Variants in PPFIA2 observed in about 807,000 individuals in gnomAD.
PPFIA2 encodes liprin-alpha-2.
PPFIA2 carries 46 observed loss-of-function variants against 175.5 expected under a neutral mutation model. The observed-to-expected ratio is 0.26, with a 90% CI of 0.21 to 0.34. The LOEUF is 0.34. Among genes scored for constraint, PPFIA2 ranks in the 10% least tolerant of loss-of-function variants. PPFIA2 has a pLI of 1.00. For synonymous variants in PPFIA2, 568 were observed against 511.4 expected (o/e 1.11, Z -1.49); for missense variants, 1,179 against 1,506.1 (o/e 0.78, Z 3.60).
chr12:81,452,920 AG>A (rs2052878303), intron 5 of PPFIA2, among the ~76,000 whole-genome samples: 2 of 152,284 alleles, frequency 1.3e-5, no homozygotes, highest in African/African-American at 4.8e-5. Flanking sequence ...ATTTATAACT[AG>A]GTATTAATAC....
chr12:81,475,558 C>A (rs1162146315), intron 4 of PPFIA2, among the ~76,000 whole-genome samples: 1 of 152,140 alleles, frequency 6.6e-6, no homozygotes, highest in Non-Finnish European at 1.5e-5. Context: ...TATTGACTTG[C>A]AAGCTCATAT....
chr12:81,349,420 G>C (rs1236603703), intron 17 of PPFIA2, among the ~76,000 whole-genome samples: 2 of 152,056 alleles, frequency 1.3e-5, no homozygotes, highest in Non-Finnish European at 2.9e-5. Flanking sequence ...CATGAATTCT[G>C]TTACTCTCAA....
intron 4 of PPFIA2, among the ~76,000 whole-genome samples, chr12:81,516,645 C>T (rs1348435676): frequency 6.6e-6 from 1 of 152,088 alleles, no homozygotes; most frequent in African/African-American, 2.4e-5. Flanking sequence ...GAATCTGAGG[C>T]AATCAAAAGT....
chr12:81,627,426 C>T (rs1008927774), intron 4 of PPFIA2, among the ~76,000 whole-genome samples: 1 of 151,890 alleles, frequency 6.6e-6, no homozygotes, highest in Admixed American at 6.6e-5. Context: ...CTATTATGTA[C>T]CCATTAAATT....
chr12:81,335,155 T>C (rs537906269), intron 21 of PPFIA2, among the ~76,000 whole-genome samples: 1 of 152,252 alleles, frequency 6.6e-6, no homozygotes, highest in Admixed American at 6.5e-5. Context: ...AGGGTAAAGA[T>C]AAGTCAATAT....
chr12:81,633,935 A>G (rs532661731), intron 4 of PPFIA2, among the ~76,000 whole-genome samples: 7 of 152,038 alleles, frequency 4.6e-5, no homozygotes, highest in African/African-American at 1.7e-4. Flanking sequence ...GGTACTTAAA[A>G]CTCTGTCAGA....
intron 4 of PPFIA2, among the ~76,000 whole-genome samples, chr12:81,510,059 G>C (rs759114045): frequency 3.9e-5 from 6 of 152,002 alleles, no homozygotes; most frequent in Non-Finnish European, 7.4e-5. Context: ...GGTTCCAAAA[G>C]TTATCTTTAC....
chr12:81,487,865 A>G (rs538511047), intron 4 of PPFIA2, among the ~76,000 whole-genome samples: 39 of 151,958 alleles, frequency 2.6e-4, no homozygotes, highest in Non-Finnish European at 5.2e-4. Context: ...AAGGCAAAAG[A>G]AATATATCAT....
rs995352758 is a variant in PPFIA2, at chr12:81,418,825, C to A, written c.646-12922G>T. Among the ~76,000 whole-genome samples, 4 of 151,946 alleles carry A rather than the reference C, an allele frequency of 2.6e-5. No homozygotes were observed. In the South Asian group the frequency reaches 8.3e-4, roughly 32 times the overall value. On this transcript the variant is annotated intron_variant, in intron 7 of 32. Coordinates refer to ENST00000549396, the MANE Select transcript of PPFIA2 (RefSeq NM_003625.5). ...CATAAGTACAAAGAAAAAATTACCC[C>A]TGAAAATGAAATTATTTGATAGTGA... is the stretch of plus-strand genomic sequence containing the variant.
rs1023609419 is a variant in PPFIA2 at position 81,392,585 on chromosome 12, A to G, written c.763-8341T>C. ...AGGCCTTTCACCCCTGCCATATTAT[A>G]TATTTACAAAATATGTTTGTTGTCT... is the stretch of plus-strand genomic sequence containing the variant. On this transcript the variant is annotated intron_variant, in intron 8 of 32. Transcript: ENST00000549396. Among the ~76,000 whole-genome samples, 5 of 151,928 alleles carry G rather than the reference A, an allele frequency of 3.3e-5. No homozygotes were observed. In the East Asian group the frequency reaches 7.7e-4, roughly 24 times the overall value.
chr12:81,460,917 C>A (rs1008104390), intron 4 of PPFIA2, among the ~76,000 whole-genome samples: 1 of 152,032 alleles, frequency 6.6e-6, no homozygotes, highest in African/African-American at 2.4e-5. Context: ...GGGCTTTGAA[C>A]CCAGACAATC....
chr12:81,563,492 T>A (rs1237215218), intron 4 of PPFIA2, among the ~76,000 whole-genome samples: 2 of 152,180 alleles, frequency 1.3e-5, no homozygotes, highest in African/African-American at 4.8e-5. Context: ...CTCATTGCAA[T>A]CTGGTTTCCT....
intron 3 of PPFIA2, among the ~76,000 whole-genome samples, chr12:81,734,336 GA>G (rs1160182542): frequency 2.0e-5 from 3 of 151,396 alleles, no homozygotes; most frequent in Non-Finnish European, 3.0e-5. Flanking sequence ...TGCATTTGCA[GA>G]AAAAAAATGC....
chr12:81,360,111 C>A (rs999197200), intron 15 of PPFIA2, among the ~76,000 whole-genome samples: 1 of 151,868 alleles, frequency 6.6e-6, no homozygotes, highest in African/African-American at 2.4e-5. Context: ...GCCATCTACC[C>A]TTCTAGCTCC....
chr12:81,439,955 A>G lies in PPFIA2; in HGVS notation c.645+17T>C. On this transcript the variant is annotated intron_variant, in intron 7 of 32. Transcript: ENST00000549396. ...GCGATATTGCACCTCAAAAGAGGAG[A>G]AAGTGTGGCAGGTTACCTCCTGATT... 1 of 1,599,018 alleles carries G rather than the reference A, an allele frequency of 6.3e-7. No individual in the cohort carries two copies.
intron 7 of PPFIA2, among the ~76,000 whole-genome samples, chr12:81,439,594 T>C (rs1453901387): frequency 6.6e-6 from 1 of 152,168 alleles, no homozygotes; most frequent in Non-Finnish European, 1.5e-5. Context: ...TGAGGGCAAG[T>C]ATATCTCTCC....
At chr12:81,260,373 C>T (rs2035009426) in intron 32 of PPFIA2, 1 of 152,106 alleles carries the variant, frequency 6.6e-6, no homozygotes, top group Non-Finnish European at 1.5e-5. Context: ...TAACTCTACC[C>T]ATCACTTAAG....
rs953472837 is a variant in PPFIA2, at chr12:81,758,404, T to C, written c.-7A>G. 8.8e-6 allele frequency: 4 copies of C among 456,544 alleles called. No homozygotes were observed. The highest frequency in any genetic ancestry group is 1.5e-5 in the South Asian group (1 of 64,562). The allele number at this position is 456,544 out of a possible 1,614,324, so 28.3% of individuals were successfully genotyped here. Reference sequence around the variant, plus strand: ...ACTCAAAGACAGCTTCTGTACCTAATGTCTGTGATTTCGGGTCCTTGCTTC... The same window carrying C: ...ACTCAAAGACAGCTTCTGTACCTAACGTCTGTGATTTCGGGTCCTTGCTTC... On this transcript the variant is annotated 5_prime_UTR_variant, in exon 2 of 33. Transcript: ENST00000549396.
At chr12:81,356,330 C>A (rs2060844525) in intron 16 of PPFIA2, among the ~76,000 whole-genome samples, 2 of 152,072 alleles carry the variant, frequency 1.3e-5, no homozygotes. Flanking sequence ...GTTCACAGAT[C>A]ACCATAACAG....
Sources: gnomAD v4.1 joint callset for allele counts (sites outside exome capture counted in the v4.1 genomes callset) on GRCh38, gnomAD v4.1.1 for gene constraint, MANE v1.5 for transcripts, NCBI Gene and HGNC (gene_info 2026-07-23, HGNC 2026-07-21) for gene names.